The following TGFBRAP1 variants were observed in gnomAD, a reference collection of about 807,000 sequenced individuals.
The protein encoded by TGFBRAP1 is transforming growth factor-beta receptor-associated protein 1.
Under a neutral mutation model 83.2 loss-of-function variants are expected in TGFBRAP1, and 20 were observed. The observed-to-expected ratio is 0.24, with a 90% CI of 0.17 to 0.35. The LOEUF (loss-of-function observed/expected upper bound fraction) is 0.35, where lower values mean the gene tolerates loss of function less well. Ranked by LOEUF, TGFBRAP1 falls within the 10% of genes least tolerant of loss-of-function variation. TGFBRAP1 has a pLI of 1.00. For synonymous variants in TGFBRAP1, 415 were observed against 459.8 expected (o/e 0.90, Z 1.25); for missense variants, 950 against 1,099.4 (o/e 0.86, Z 1.92).
At chr2:105,328,226 C>T (rs1558660410) in intron 1 of TGFBRAP1, among the ~76,000 whole-genome samples, 1 of 152,102 alleles carries the variant, frequency 6.6e-6, no homozygotes, top group African/African-American at 2.4e-5. Context: ...GGATTTGAAC[C>T]CACACTCCAC....
intron 1 of TGFBRAP1, among the ~76,000 whole-genome samples, chr2:105,319,946 C>A (rs747692731): frequency 6.6e-6 from 1 of 151,180 alleles, no homozygotes; most frequent in Non-Finnish European, 1.5e-5. Flanking sequence ...CACATACATA[C>A]ACACACACAC....
In TGFBRAP1 at chr2:105,290,786, C is replaced by T. The variant is rs558470190; in HGVS notation, c.1038+5570G>A. Among the ~76,000 whole-genome samples the T allele has an allele frequency of 3.5e-4, 54 of 152,184 alleles. 2 individuals are homozygous for T. The South Asian group carries it at 7.1e-3, about 20-fold the overall frequency. Reference sequence around the variant, plus strand: ...TTGGGAGGCCAGGATCGGCAGATCACCTGAGGTCAGGAGTTCGAGACCAGC... The same window carrying T: ...TTGGGAGGCCAGGATCGGCAGATCATCTGAGGTCAGGAGTTCGAGACCAGC... On this transcript the variant is annotated intron_variant, in intron 4 of 11. Transcript: ENST00000393359.
intron 4 of TGFBRAP1, 103 bp downstream of exon 4, chr2:105,296,238 ATATAAAAGCAGTGTG>A: frequency 8.1e-7 from 1 of 1,234,264 alleles, no homozygotes. Flanking sequence ...TAAACAACAG[ATATAAAAGCAGTGTG>A]TACAGCCCGG....
the TGFBRAP1 span, among the ~76,000 whole-genome samples, chr2:105,253,760 C>T: frequency 6.6e-6 from 1 of 152,132 alleles, no homozygotes; most frequent in East Asian, 1.9e-4. Flanking sequence ...ATTTTATCTC[C>T]TGATTCTTTA....
At position 105,294,938 on chromosome 2, in the gene TGFBRAP1, G is replaced by A. The variant is rs541020837; in HGVS notation, c.1038+1418C>T. ...CCCCCTGGACTTCCACACATCCACC[G>A]AGAGCAGCTTGCAGGAGAGGAGAAG... On this transcript the variant is annotated intron_variant, in intron 4 of 11. Coordinates refer to ENST00000393359, the MANE Select transcript of TGFBRAP1 (RefSeq NM_004257.6). Among the ~76,000 whole-genome samples, 13 of 152,230 alleles carry A rather than the reference G, an allele frequency of 8.5e-5. No individual in the cohort carries two copies. The East Asian group carries it at 1.4e-3, about 16-fold the overall frequency.
In TGFBRAP1 at chr2:105,307,653, C is replaced by G; in HGVS notation, c.649G>C (p.Gly217Arg). 1.9e-6 allele frequency: 3 copies of G among 1,613,996 alleles called. No homozygotes were observed. Among genetic ancestry groups the G allele is most frequent in the Non-Finnish European group, 2.5e-6 (3 of 1,179,986 alleles). Residue 217 changes from glycine to arginine, a missense_variant, in exon 2 of 12, where the codon GGG (glycine) becomes CGG (arginine). Physicochemically the swap from Gly to Arg is moderately radical, Grantham distance 125. Coordinates refer to ENST00000393359, the MANE Select transcript of TGFBRAP1 (RefSeq NM_004257.6). ...EERPPIVKRI[G>R]RQEFLLAGPG... ...CCCGCCAGCAGGAACTCCTGTCTCCCTATCCTCTTGACGATCGGCGGCCTC... is the reference window on the plus strand; with the variant it reads ...CCCGCCAGCAGGAACTCCTGTCTCCGTATCCTCTTGACGATCGGCGGCCTC...
At chr2:105,256,178 G>C in the TGFBRAP1 span, among the ~76,000 whole-genome samples, 1 of 152,212 alleles carries the variant, frequency 6.6e-6, no homozygotes, top group Admixed American at 6.5e-5. Context: ...GGAAATGTTG[G>C]CAGTGGCTCT....
the TGFBRAP1 span, among the ~76,000 whole-genome samples, chr2:105,253,652 C>G: frequency 7.9e-5 from 12 of 152,138 alleles, no homozygotes; most frequent in African/African-American, 2.4e-4. Flanking sequence ...CCAGGCTCAT[C>G]TGGAACTCCT....
chr2:105,285,023 C>G (rs1163290424), intron 4 of TGFBRAP1, among the ~76,000 whole-genome samples: 1 of 152,206 alleles, frequency 6.6e-6, no homozygotes, highest in African/African-American at 2.4e-5. Context: ...CATTAGGAAC[C>G]TGCTGTGTGG....
intron 7 of TGFBRAP1, among the ~76,000 whole-genome samples, chr2:105,276,050 G>A (rs1261504937): frequency 6.6e-6 from 1 of 151,962 alleles, no homozygotes; most frequent in African/African-American, 2.4e-5. Context: ...ATAACATCTC[G>A]ACACAGAGAA....
downstream of TGFBRAP1, among the ~76,000 whole-genome samples, chr2:105,260,460 AG>A (rs1001221340): frequency 1.8e-4 from 27 of 152,210 alleles, no homozygotes; most frequent in African/African-American, 6.3e-4. Context: ...GTGAACTTTG[AG>A]GACATTATGT....
intron 3 of TGFBRAP1, among the ~76,000 whole-genome samples, chr2:105,298,115 A>G (rs1558643950): frequency 1.3e-5 from 2 of 152,114 alleles, no homozygotes; most frequent in African/African-American, 4.8e-5. Context: ...TGAAGCCCAT[A>G]GTACCCTCTT....
chr2:105,272,230 C>T (rs1259665506), intron 10 of TGFBRAP1, among the ~76,000 whole-genome samples: 1 of 152,200 alleles, frequency 6.6e-6, no homozygotes, highest in African/African-American at 2.4e-5. Flanking sequence ...GAAACTGTGG[C>T]CTCTGTACCC....
intron 10 of TGFBRAP1, among the ~76,000 whole-genome samples, chr2:105,270,335 G>A (rs1677111767): frequency 6.6e-6 from 1 of 152,072 alleles, no homozygotes; most frequent in Admixed American, 6.5e-5. Context: ...CGTCATTCCT[G>A]ACCAAGGCCC....
chr2:105,313,557 AT>A (rs1472438372), intron 1 of TGFBRAP1, among the ~76,000 whole-genome samples: 2 of 152,248 alleles, frequency 1.3e-5, no homozygotes, highest in African/African-American at 2.4e-5. Context: ...GAGGGAACAT[AT>A]CCTTACTTTA....
chr2:105,259,609 A>G (rs1558805202), downstream of TGFBRAP1, among the ~76,000 whole-genome samples: 1 of 152,206 alleles, frequency 6.6e-6, no homozygotes, highest in Non-Finnish European at 1.5e-5. Flanking sequence ...GGGTTGGGAA[A>G]AAAGATGGAA....
the TGFBRAP1 span, among the ~76,000 whole-genome samples, chr2:105,251,518 G>T: frequency 2.7e-5 from 4 of 146,654 alleles, no homozygotes; most frequent in Non-Finnish European, 6.0e-5. Context: ...GGAGGGAGGT[G>T]GGGGGGGATC....
chr2:105,274,705 C>A (rs1677278787), intron 8 of TGFBRAP1, among the ~76,000 whole-genome samples: 1 of 152,180 alleles, frequency 6.6e-6, no homozygotes, highest in Non-Finnish European at 1.5e-5. Context: ...GATGGAGAAA[C>A]AAGTATGCAA....
downstream of TGFBRAP1, among the ~76,000 whole-genome samples, chr2:105,259,873 C>G (rs1340871712): frequency 6.6e-6 from 1 of 152,126 alleles, no homozygotes; most frequent in Non-Finnish European, 1.5e-5. Flanking sequence ...AAGGGACCAC[C>G]TTAGACCATT....
Sources: allele counts gnomAD v4.1 joint callset (sites outside exome capture counted in the v4.1 genomes callset), GRCh38; gene constraint gnomAD v4.1.1; transcripts MANE v1.5; gene names NCBI Gene and HGNC (gene_info 2026-07-23, HGNC 2026-07-21).